Variants in ADAM17 observed in about 807,000 individuals in gnomAD.
The protein encoded by ADAM17 is disintegrin and metalloproteinase domain-containing protein 17.
In ADAM17, 39 loss-of-function variants were observed where a neutral mutation model predicts 96.7. The ratio of observed to expected loss-of-function variants is 0.40; its 90% CI spans 0.31 to 0.53. The LOEUF (loss-of-function observed/expected upper bound fraction) is 0.53. Ranked by LOEUF, ADAM17 falls within the 20% of genes least tolerant of loss-of-function variation. The probability of loss-of-function intolerance (pLI) is 0.44; values close to 1 mark genes in which losing one functional copy is unlikely to be tolerated. For synonymous variants in ADAM17, 344 were observed against 359.2 expected, an observed-to-expected ratio of 0.96 and a Z score of 0.48; for missense variants, 777 against 1,013.2, an observed-to-expected ratio of 0.77 and a Z score of 3.17.
intron 4 of ADAM17, among the ~76,000 whole-genome samples, chr2:9,531,678 G>T (rs1427186131): frequency 1.3e-5 from 2 of 152,082 alleles, no homozygotes; most frequent in African/African-American, 4.8e-5. Context: ...CTCCAGCCTG[G>T]GCGACAGAGC....
chr2:9,502,230 G>C lies in ADAM17; in HGVS notation c.1591C>G (p.Gln531Glu), dbSNP rs1663046385. The C allele has an allele frequency of 6.2e-7, 1 of 1,614,016 alleles. No individual in the cohort carries two copies. The highest frequency in any genetic ancestry group is 8.5e-7 in the Non-Finnish European group (1 of 1,180,010). ...TTAATCGCCTCCTGGCACTTCTTCT[G>C]GGCAGTCTCAAACTGACAGTTTTTA... is the stretch of plus-strand genomic sequence containing the variant. ...CCKNCQFETAQKKCQEAINAT... is the reference protein window; with the variant it reads ...CCKNCQFETAEKKCQEAINAT... Residue 531 changes from glutamine to glutamate, a missense_variant, in exon 13 of 19, where the codon CAG (glutamine) becomes GAG (glutamate). Physicochemically the swap from Gln to Glu is conservative, Grantham distance 29 (BLOSUM62 2). Coordinates refer to ENST00000310823, the MANE Select transcript of ADAM17 (RefSeq NM_003183.6).
Position 9,555,526 on chromosome 2 carries a change from C to A in ADAM17, c.80G>T (p.Gly27Val). ...APRPPDDPGF[G>V]PHQRLEKLDS... ...GTCTTTACCGAGTCTCTGGTGGGGGCCGAAGCCCGGGTCATCCGGAGGTCG... is the reference window on the plus strand; with the variant it reads ...GTCTTTACCGAGTCTCTGGTGGGGGACGAAGCCCGGGTCATCCGGAGGTCG... Residue 27 changes from glycine (G) to valine (V), a missense_variant, in exon 1 of 19, where the codon GGC becomes GTC. By Grantham distance (109) the Gly-to-Val change is moderately radical (BLOSUM62 -3). Around this residue, in one of 3 missense-constraint regions of ADAM17, gnomAD observed 134 missense variants for 129.1 expected, o/e 1.04. Transcript: ENST00000310823. 5 of 1,599,152 alleles carry A rather than the reference C, an allele frequency of 3.1e-6. No individual in the cohort carries two copies. The highest frequency in any genetic ancestry group is 3.4e-6 in the Non-Finnish European group (4 of 1,172,720).
intron 1 of ADAM17, among the ~76,000 whole-genome samples, chr2:9,552,474 A>G (rs1440490567): frequency 6.6e-6 from 1 of 152,260 alleles, no homozygotes; most frequent in Non-Finnish European, 1.5e-5. Flanking sequence ...CAAAATTAAC[A>G]TCAAAAGAGA....
At chr2:9,541,723 G>A (rs932282096) in intron 2 of ADAM17, among the ~76,000 whole-genome samples, 1 of 152,086 alleles carries the variant, frequency 6.6e-6, no homozygotes, top group Non-Finnish European at 1.5e-5. Flanking sequence ...TTTTAACATA[G>A]TTGAGAAGGC....
At chr2:9,496,999 T>A (rs1662659048) in intron 14 of ADAM17, 115 bp downstream of exon 14, 2 of 1,478,734 alleles carry the variant, frequency 1.4e-6, no homozygotes. Context: ...CCCCTCATCC[T>A]CGGCTTGGAT....
chr2:9,497,883 T>TTA (rs201012490), intron 13 of ADAM17, among the ~76,000 whole-genome samples: 1,705 of 151,982 alleles, frequency 0.011, 18 homozygotes, highest in African/African-American at 0.031. Context: ...GTTTTGCAAT[T>TTA]TATATATATA....
intron 1 of ADAM17, among the ~76,000 whole-genome samples, chr2:9,553,468 G>A (rs1265835979): frequency 6.6e-6 from 1 of 151,764 alleles, no homozygotes; most frequent in Non-Finnish European, 1.5e-5. Context: ...GAGGTCAGGA[G>A]TTCGAGACCA....
chr2:9,537,714 C>A (rs1665017596), intron 2 of ADAM17, among the ~76,000 whole-genome samples: 1 of 151,592 alleles, frequency 6.6e-6, no homozygotes, highest in South Asian at 2.1e-4. Flanking sequence ...CGCGAGACTC[C>A]CGCTCAAAAT....
chr2:9,544,680 G>T (rs1665339826), intron 1 of ADAM17, among the ~76,000 whole-genome samples: 2 of 152,054 alleles, frequency 1.3e-5, no homozygotes, highest in South Asian at 4.1e-4. Context: ...CAAAAAATTA[G>T]CCAGGCGTGG....
chr2:9,514,552 TATATATATATATATATAA>T (rs1196452989), intron 10 of ADAM17, among the ~76,000 whole-genome samples: 1 of 52,404 alleles, frequency 1.9e-5, no homozygotes, highest in African/African-American at 7.2e-5. Flanking sequence ...TATATATATA[TATATATATATATATATAA>T]ATAAAAAGAG....
intron 4 of ADAM17, among the ~76,000 whole-genome samples, chr2:9,528,432 A>AAGAAC (rs1395938025): frequency 1.3e-5 from 2 of 152,200 alleles, no homozygotes. Context: ...ATCCACACAA[A>AAGAAC]AGAACAAACA....
intron 16 of ADAM17, among the ~76,000 whole-genome samples, chr2:9,493,430 T>C (rs1198899706): frequency 6.6e-6 from 1 of 152,138 alleles, no homozygotes; most frequent in African/African-American, 2.4e-5. Context: ...AAATAAACAC[T>C]CTTACATCAA....
intron 4 of ADAM17, among the ~76,000 whole-genome samples, chr2:9,534,492 G>C (rs1328949423): frequency 6.6e-6 from 1 of 152,112 alleles, no homozygotes; most frequent in Admixed American, 6.5e-5. Context: ...CCAAGATCAC[G>C]CCATTGCACT....
chr2:9,527,837 C>T lies in ADAM17; in HGVS notation c.568G>A (p.Asp190Asn). The T allele has an allele frequency of 1.2e-6, 2 of 1,605,348 alleles. No homozygotes were observed. The highest frequency in any genetic ancestry group is 1.7e-6 in the Non-Finnish European group (2 of 1,176,726). Reference protein sequence around the residue: ...SPKVCGYLKVDNEELLPKGLV... With the variant: ...SPKVCGYLKVNNEELLPKGLV... ...CCTTTTGGGAGCAACTCTTCATTAT[C>T]CACTTTTAAATAACCACACACTTTT... Residue 190 changes from aspartate (D) to asparagine (N), a missense_variant, in exon 5 of 19, where the codon GAT (aspartate) becomes AAT (asparagine). Asp to Asn is a conservative substitution (Grantham distance 23, BLOSUM62 1). This residue lies in a region of ADAM17 where 446 missense variants were observed against 664.7 expected (regional missense o/e 0.67). Transcript: ENST00000310823.
At position 9,492,849 on chromosome 2, in the gene ADAM17, G is replaced by T; in HGVS notation, c.2082+49C>A. Reference sequence around the variant, plus strand: ...TTCCAGAGATTACATGGTTGGAGTTGATCAAAATTTAAATAAAACATTTAA... The same window carrying T: ...TTCCAGAGATTACATGGTTGGAGTTTATCAAAATTTAAATAAAACATTTAA... On this transcript the variant is annotated intron_variant, in intron 17 of 18. Coordinates refer to ENST00000310823, the MANE Select transcript of ADAM17 (RefSeq NM_003183.6). 2.7e-6 allele frequency: 4 copies of T among 1,493,380 alleles called. No homozygotes were observed. The South Asian group carries it at 5.0e-5, about 19-fold the overall frequency. 92.5% of individuals were successfully genotyped at this position (1,493,380 alleles called of 1,614,324 possible).
intron 1 of ADAM17, among the ~76,000 whole-genome samples, chr2:9,544,892 T>C (rs1665350105): frequency 6.6e-6 from 1 of 152,156 alleles, no homozygotes; most frequent in Non-Finnish European, 1.5e-5. Flanking sequence ...CTCACAATAC[T>C]CAGCAAAAAC....
intron 10 of ADAM17, among the ~76,000 whole-genome samples, chr2:9,514,568 T>TATATATATAA (rs1558510006): frequency 3.5e-4 from 35 of 100,536 alleles, no homozygotes; most frequent in Non-Finnish European, 5.5e-4. Flanking sequence ...TATATATATA[T>TATATATATAA]AAATAAAAAG....
intron 2 of ADAM17, 48 bp from the exon 3 acceptor site, chr2:9,536,876 G>A (rs1664981136): frequency 6.3e-7 from 1 of 1,589,130 alleles, no homozygotes; most frequent in African/African-American, 1.3e-5. Flanking sequence ...CAAATTTTAA[G>A]TCTCATTTTC....
At chr2:9,525,717 T>C (rs1664498891) in intron 6 of ADAM17, among the ~76,000 whole-genome samples, 1 of 152,162 alleles carries the variant, frequency 6.6e-6, no homozygotes, top group African/African-American at 2.4e-5. Context: ...CGCCTTCCTC[T>C]CTGAAATATA....
Sources: allele counts gnomAD v4.1 joint callset (sites outside exome capture counted in the v4.1 genomes callset), GRCh38; gene constraint gnomAD v4.1.1; regional missense constraint gnomAD v4.1.1; transcripts MANE v1.5; gene names NCBI Gene and HGNC (gene_info 2026-07-23, HGNC 2026-07-21).